The following FSTL4 variants were observed in gnomAD, a reference collection of about 807,000 sequenced individuals.
FSTL4 encodes follistatin-related protein 4.
In FSTL4, 28 loss-of-function variants were observed where a neutral mutation model predicts 78.2. The ratio of observed to expected loss-of-function variants is 0.36; its 90% CI spans 0.27 to 0.49. FSTL4 has a LOEUF of 0.49. Ranked by LOEUF, FSTL4 falls within the 20% of genes least tolerant of loss-of-function variation. FSTL4 has a pLI of 0.98. For missense variants in FSTL4, 922 were observed against 1,084.9 expected, an observed-to-expected ratio of 0.85 and a Z score of 2.11; for synonymous variants, 422 against 440.5, an observed-to-expected ratio of 0.96 and a Z score of 0.53.
In FSTL4 at chr5:133,338,992, A is replaced by T. The variant is rs1754528509; in HGVS notation, c.410-22340T>A. 6.6e-6 allele frequency among the ~76,000 whole-genome samples: 1 copy of T among 152,006 alleles called. No homozygotes were observed. Among genetic ancestry groups the T allele is most frequent in the Non-Finnish European group, 1.5e-5 (1 of 67,996 alleles). ...TCCTCCCCCACTCAGTAGCTGGAGG[A>T]ATCTTATGGGGGCTCCCACTGCCTT... On this transcript the variant is annotated intron_variant, in intron 4 of 15. Coordinates refer to ENST00000265342, the MANE Select transcript of FSTL4 (RefSeq NM_015082.2). The surrounding 1 kb of genome is among the most constrained non-coding windows in gnomAD (Gnocchi z 4.0).
chr5:133,653,025 T>C, the FSTL4 span, among the ~76,000 whole-genome samples: 8 of 152,178 alleles, frequency 5.3e-5, no homozygotes, highest in African/African-American at 1.9e-4. Flanking sequence ...GAAGTGCTCA[T>C]TCCTTGTGAG....
At chr5:133,523,666 T>C (rs146278378) in intron 3 of FSTL4, among the ~76,000 whole-genome samples, 1 of 152,310 alleles carries the variant, frequency 6.6e-6, no homozygotes, top group East Asian at 1.9e-4. Flanking sequence ...TTTGGTGTGA[T>C]GATTAAATGT....
chr5:133,727,967 T>G, the FSTL4 span, among the ~76,000 whole-genome samples: 1 of 152,182 alleles, frequency 6.6e-6, no homozygotes, highest in African/African-American at 2.4e-5. Flanking sequence ...CATCAGTAAC[T>G]TACAGACAGG....
intron 6 of FSTL4, among the ~76,000 whole-genome samples, chr5:133,289,667 TCTGGGACTAGTC>T (rs1488776889): frequency 6.6e-6 from 1 of 152,222 alleles, no homozygotes; most frequent in African/African-American, 2.4e-5. Context: ...CTTGCCCAAC[TCTGGGACTAGTC>T]CTGCAGCCTG....
the FSTL4 span, among the ~76,000 whole-genome samples, chr5:133,760,568 C>T: frequency 6.6e-6 from 1 of 152,178 alleles, no homozygotes; most frequent in Admixed American, 6.5e-5. Flanking sequence ...TCTGCCTCTT[C>T]CTTGCCCAGT....
chr5:133,632,146 T>A, the FSTL4 span, among the ~76,000 whole-genome samples: 5 of 152,256 alleles, frequency 3.3e-5, no homozygotes, highest in African/African-American at 1.2e-4. Flanking sequence ...TAAAGTATAA[T>A]AATTAAAAAG....
chr5:133,492,381 A>G (rs1221386599), intron 3 of FSTL4, among the ~76,000 whole-genome samples: 1 of 152,138 alleles, frequency 6.6e-6, no homozygotes, highest in Non-Finnish European at 1.5e-5. Flanking sequence ...CCTTCCTCCT[A>G]AAGTATATAT....
At chr5:133,268,538 G>A (rs1437161954) in intron 6 of FSTL4, among the ~76,000 whole-genome samples, 1 of 152,202 alleles carries the variant, frequency 6.6e-6, no homozygotes, top group East Asian at 1.9e-4. Flanking sequence ...GGGAGGTGGT[G>A]GAGGCCCGGC....
intron 3 of FSTL4, among the ~76,000 whole-genome samples, chr5:133,473,246 A>T (rs575886681): frequency 6.6e-6 from 1 of 152,284 alleles, no homozygotes; most frequent in South Asian, 2.1e-4. Context: ...AAAAAAATCA[A>T]TGGTGTGTTT....
the FSTL4 span, among the ~76,000 whole-genome samples, chr5:133,683,791 C>T: frequency 6.6e-6 from 1 of 152,188 alleles, no homozygotes; most frequent in African/African-American, 2.4e-5. Context: ...CTTCTCCCAC[C>T]ACCTCAAATG....
intron 3 of FSTL4, among the ~76,000 whole-genome samples, chr5:133,542,426 TA>T (rs1038083441): frequency 2.6e-5 from 4 of 152,192 alleles, no homozygotes; most frequent in Non-Finnish European, 5.9e-5. Context: ...AACTGGCATT[TA>T]AAAAAACATT....
chr5:133,510,578 A>G (rs191351433), intron 3 of FSTL4, among the ~76,000 whole-genome samples: 29 of 152,140 alleles, frequency 1.9e-4, no homozygotes, highest in Middle Eastern at 3.4e-3. Flanking sequence ...AGGAAGATCA[A>G]TTTTTCCAGC....
At chr5:133,718,718 G>T in the FSTL4 span, among the ~76,000 whole-genome samples, 1 of 152,142 alleles carries the variant, frequency 6.6e-6, no homozygotes, top group Admixed American at 6.5e-5. Context: ...TTACAGATTT[G>T]GCCTCTGAGT....
chr5:133,781,398 TGTGTGTGTGTGTGGC>T, the FSTL4 span, among the ~76,000 whole-genome samples: 81 of 143,954 alleles, frequency 5.6e-4, 1 homozygote, highest in African/African-American at 2.3e-3. Context: ...TGTGTGTGTG[TGTGTGTGTGTGTGGC>T]GTGTATGTGT....
intron 6 of FSTL4, among the ~76,000 whole-genome samples, chr5:133,306,263 T>C (rs1753652603): frequency 6.6e-6 from 1 of 152,260 alleles, no homozygotes; most frequent in Admixed American, 6.5e-5. Context: ...ACGAGGGATG[T>C]GGCTGTAGGC....
chr5:133,210,491 A>ATTC (rs1750674632), intron 13 of FSTL4, among the ~76,000 whole-genome samples, 193 bp from the exon 14 acceptor site: 1 of 150,454 alleles, frequency 6.6e-6, no homozygotes, highest in Non-Finnish European at 1.5e-5. Context: ...TATTATTATT[A>ATTC]TTATTATTAT....
In FSTL4 at chr5:133,199,837, G is replaced by A. The variant is rs1207811970; in HGVS notation, c.1827-40C>T. The A allele has an allele frequency of 3.6e-6, 4 of 1,098,858 alleles. No homozygotes were observed. Among genetic ancestry groups the A allele is most frequent in the Admixed American group, 2.3e-5 (1 of 42,610 alleles). The allele number at this position is 1,098,858 out of a possible 1,614,324, so 68.1% of individuals were successfully genotyped here. A position where few individuals can be genotyped will look rare whatever the true frequency, so the allele number is the denominator to read the frequency against. ...ACTGAGGTCAGAAGTTGCCTCCAGG[G>A]GTGGGGAATCTGTCATTTGTCTTAA... On this transcript the variant is annotated intron_variant, in intron 15 of 15. Transcript: ENST00000265342. The surrounding 1 kb of genome is among the most constrained non-coding windows in gnomAD (Gnocchi z 4.4).
chr5:133,826,552 G>A, the FSTL4 span, among the ~76,000 whole-genome samples: 1 of 152,080 alleles, frequency 6.6e-6, no homozygotes, highest in African/African-American at 2.4e-5. Flanking sequence ...CTGCCTCTGT[G>A]GCCACACTGC....
At chr5:133,313,363 C>T (rs1753834681) in intron 5 of FSTL4, among the ~76,000 whole-genome samples, 1 of 152,152 alleles carries the variant, frequency 6.6e-6, no homozygotes, top group Non-Finnish European at 1.5e-5. Context: ...GCCCAGGACA[C>T]AGATGTCCAC....
Sources: allele counts gnomAD v4.1 joint callset (sites outside exome capture counted in the v4.1 genomes callset), GRCh38; gene constraint gnomAD v4.1.1; non-coding constraint Gnocchi (gnomAD v3.1); transcripts MANE v1.5; gene names NCBI Gene and HGNC (gene_info 2026-07-23, HGNC 2026-07-21).